The following TMEM126A variants were observed in gnomAD, a reference collection of about 807,000 sequenced individuals.
TMEM126A encodes the protein optic atrophy 7.
In TMEM126A, 10 loss-of-function variants were observed where a neutral mutation model predicts 18.3. That is an observed-to-expected ratio of 0.55 (90% confidence interval 0.34 to 0.93). TMEM126A has a LOEUF of 0.93. TMEM126A is among the 40% of genes least tolerant of loss of function. The probability of loss-of-function intolerance (pLI) is 0.02; values close to 1 mark genes in which losing one functional copy is unlikely to be tolerated. For synonymous variants in TMEM126A, 68 were observed against 78.1 expected (o/e 0.87, Z 0.68); for missense variants, 246 against 230.2 (o/e 1.07, Z -0.44).
chr11:85,653,709 T>C (rs1265958070), intron 2 of TMEM126A, among the ~76,000 whole-genome samples: 3 of 151,240 alleles, frequency 2.0e-5, no homozygotes, highest in African/African-American at 7.2e-5. Context: ...TTATTGAACA[T>C]CTTCTGTGTC....
rs2082473967 is a variant in TMEM126A, at chr11:85,648,053, A to C, written c.-44A>C. 7.0e-6 allele frequency: 1 copy of C among 143,206 alleles called. No individual in the cohort carries two copies. The highest frequency in any genetic ancestry group is 2.7e-5 in the African/African-American group (1 of 37,666). 8.9% of individuals were successfully genotyped at this position (143,206 alleles called of 1,614,324 possible). A position where few individuals can be genotyped will look rare whatever the true frequency, so the allele number is the denominator to read the frequency against. The stretch of plus-strand genomic sequence containing the variant: ...TGAACTCCGGCGTGGCTGAGGAAGG[A>C]GGAGGCACCCACAGGCTGCTGGGAG... On this transcript the variant is annotated 5_prime_UTR_variant, in exon 1 of 5. Transcript: ENST00000304511.
chr11:85,655,642 G>A lies in TMEM126A; in HGVS notation c.329G>A (p.Gly110Asp), dbSNP rs374124838. 5 of 1,613,684 alleles carry A rather than the reference G, an allele frequency of 3.1e-6. No individual in the cohort carries two copies. The highest frequency in any genetic ancestry group is 4.2e-6 in the Non-Finnish European group (5 of 1,179,728). ...ACCATAACACGGAGTGGACTGACTG[G>A]TCTTGTTATTGGTGGTCTATACCCT... ...TCTITRSGLT[G>D]LVIGGLYPVF... is the part of the protein sequence containing the mutation. Residue 110 changes from glycine (G) to aspartate (D), a missense_variant, in exon 4 of 5, where the codon GGT becomes GAT. Physicochemically the swap from Gly to Asp is moderately conservative, Grantham distance 94. Coordinates refer to ENST00000304511, the MANE Select transcript of TMEM126A (RefSeq NM_032273.4).
intron 2 of TMEM126A, among the ~76,000 whole-genome samples, chr11:85,653,686 C>T (rs2082517229): frequency 6.6e-6 from 1 of 152,128 alleles, no homozygotes; most frequent in Non-Finnish European, 1.5e-5. Context: ...AAAGAAATCA[C>T]ATTAACTCCA....
rs757521700 is a variant in TMEM126A at position 85,654,016 on chromosome 11, C to A, written c.87-47C>A. The A allele has an allele frequency of 4.2e-5, 67 of 1,601,880 alleles. 1 individual carries two copies. The South Asian group carries it at 7.3e-4, about 17-fold the overall frequency. On this transcript the variant is annotated intron_variant, in intron 2 of 4. Transcript: ENST00000304511. ...CACATGTCAAGATCGGGAAAGCTCACACACACAATAATGCCAAAGAAAAGT... is the reference window on the plus strand; with the variant it reads ...CACATGTCAAGATCGGGAAAGCTCAAACACACAATAATGCCAAAGAAAAGT...
chr11:85,651,060 G>C (rs1055723900), intron 2 of TMEM126A, among the ~76,000 whole-genome samples: 2 of 85,914 alleles, frequency 2.3e-5, no homozygotes, highest in Admixed American at 4.2e-4. Context: ...CAAGAGTGAG[G>C]ATCCGTCTCA....
At position 85,656,406 on chromosome 11, in the gene TMEM126A, C is replaced by T. The variant is rs201622292; in HGVS notation, c.493C>T (p.Leu165Phe). The change falls in exon 5 of 5, where the codon CTC becomes TTC. Residue 165 changes from leucine to phenylalanine, a missense_variant. Physicochemically the swap from Leu to Phe is conservative, Grantham distance 22. Transcript: ENST00000304511. ...VFRKMLFPIL[L>F]QTMFSAYLGS... ...TAGAAAGATGTTATTTCCTATTTTG[C>T]TCCAGACTATGTTTTCAGCATACCT... 1.2e-6 allele frequency: 2 copies of T among 1,613,240 alleles called. No individual in the cohort carries two copies. Among genetic ancestry groups the T allele is most frequent in the Admixed American group, 3.3e-5 (2 of 59,966 alleles).
intron 2 of TMEM126A, among the ~76,000 whole-genome samples, chr11:85,652,072 G>A (rs985964384): frequency 3.3e-5 from 5 of 152,196 alleles, no homozygotes; most frequent in African/African-American, 9.6e-5. Flanking sequence ...GCTGAGGCAC[G>A]AGAATTGTTT....
At chr11:85,653,512 A>AT (rs1555208597) in intron 2 of TMEM126A, among the ~76,000 whole-genome samples, 2 of 152,212 alleles carry the variant, frequency 1.3e-5, no homozygotes, top group Non-Finnish European at 2.9e-5. Context: ...TGCATAGGAC[A>AT]TAAGTTAAAA....
rs1591463235 is a variant in TMEM126A at position 85,650,342 on chromosome 11, G to A, written c.86+1G>A. On this transcript the variant is annotated splice_donor_variant, in intron 2 of 4. Coordinates refer to ENST00000304511, the MANE Select transcript of TMEM126A (RefSeq NM_032273.4). LOFTEE classifies it high-confidence loss of function. The stretch of plus-strand genomic sequence containing the variant: ...TTAACCAGCTTCCAGAAGCAGAAAG[G>A]TAAGATCCCTTCTTAATTTAAAAAC... The A allele has an allele frequency of 6.3e-7, 1 of 1,594,454 alleles. No individual in the cohort carries two copies. Among genetic ancestry groups the A allele is most frequent in the Non-Finnish European group, 8.6e-7 (1 of 1,162,918 alleles).
intron 2 of TMEM126A, among the ~76,000 whole-genome samples, chr11:85,652,344 ATTTT>A (rs1459096238): frequency 6.6e-6 from 1 of 152,130 alleles, no homozygotes; most frequent in Non-Finnish European, 1.5e-5. Context: ...CCTTGTTCCT[ATTTT>A]TTCTCTTCAT....
At position 85,650,268 on chromosome 11, in the gene TMEM126A, A is replaced by G. The variant is rs2153312352; in HGVS notation, c.13A>G (p.Lys5Glu). The G allele has an allele frequency of 6.3e-7, 1 of 1,593,680 alleles. No individual in the cohort carries two copies. Among genetic ancestry groups the G allele is most frequent in the Non-Finnish European group, 8.6e-7 (1 of 1,164,730 alleles). The change falls in exon 2 of 5, where the codon AAA (lysine) becomes GAA (glutamate). Residue 5 changes from lysine to glutamate, a missense_variant. By Grantham distance (56) the Lys-to-Glu change is moderately conservative. Transcript: ENST00000304511. ...TTTAAGGCTCAAAATGGAAAATCAT[A>G]AATCCAATAATAAGGAAAACATAAC... The part of the protein sequence containing the change: MENH[K>E]SNNKENITIV...
At chr11:85,651,172 C>A (rs1395793153) in intron 2 of TMEM126A, among the ~76,000 whole-genome samples, 15 of 149,966 alleles carry the variant, frequency 1.0e-4, no homozygotes, top group Middle Eastern at 3.5e-3. Context: ...AAATGTCTTA[C>A]ACTTTGTTGA....
chr11:85,654,328 T>C (rs900924118), intron 3 of TMEM126A, 72 bp downstream of exon 3: 72 of 1,419,624 alleles, frequency 5.1e-5, no homozygotes, highest in Admixed American at 2.9e-4. Context: ...TCCATACTTA[T>C]TAATATCAAG....
At chr11:85,651,495 G>A (rs1009874633) in intron 2 of TMEM126A, among the ~76,000 whole-genome samples, 6 of 152,206 alleles carry the variant, frequency 3.9e-5, no homozygotes, top group African/African-American at 1.4e-4. Flanking sequence ...CCTGGTGAGT[G>A]GAGATGGTAG....
intron 2 of TMEM126A, among the ~76,000 whole-genome samples, chr11:85,651,993 A>C (rs551991765): frequency 1.3e-5 from 2 of 152,166 alleles, no homozygotes; most frequent in Non-Finnish European, 2.9e-5. Flanking sequence ...GCGAAACCCT[A>C]TCTCTACTAA....
chr11:85,652,705 C>T lies in TMEM126A; in HGVS notation c.87-1358C>T, dbSNP rs545906418. Among the ~76,000 whole-genome samples the T allele has an allele frequency of 8.1e-4, 123 of 152,030 alleles. 2 individuals are homozygous for T. Among genetic ancestry groups the T allele is most frequent in the Middle Eastern group, 3.4e-3 (1 of 290 alleles). Reference sequence around the variant, plus strand: ...TGGGAAAAATCTGGTTGGGAGAGAGCAAAGTTTGCTATGCAGATTTCACTT... The same window carrying T: ...TGGGAAAAATCTGGTTGGGAGAGAGTAAAGTTTGCTATGCAGATTTCACTT... On this transcript the variant is annotated intron_variant, in intron 2 of 4. Coordinates refer to ENST00000304511, the MANE Select transcript of TMEM126A (RefSeq NM_032273.4).
Position 85,655,620 on chromosome 11 carries a change from A to G in TMEM126A, c.307A>G (p.Ile103Val). The change falls in exon 4 of 5, where the codon ATA (isoleucine) becomes GTA (valine). Residue 103 changes from isoleucine to valine, a missense_variant. By Grantham distance (29) the Ile-to-Val change is conservative. Transcript: ENST00000304511. ...TGDLDCETCT[I>V]TRSGLTGLVI... ...TGATTTGGATTGTGAAACCTGTACC[A>G]TAACACGGAGTGGACTGACTGGTCT... 2.5e-6 allele frequency: 4 copies of G among 1,613,724 alleles called. No homozygotes were observed. The highest frequency in any genetic ancestry group is 1.1e-5 in the South Asian group (1 of 91,070).
At position 85,656,373 on chromosome 11, in the gene TMEM126A, C is replaced by G; in HGVS notation, c.460C>G (p.Pro154Ala). The change falls in exon 5 of 5, where the codon CCT (proline) becomes GCT (alanine). Residue 154 changes from proline to alanine, a missense_variant. By Grantham distance (27) the Pro-to-Ala change is conservative. Coordinates refer to ENST00000304511, the MANE Select transcript of TMEM126A (RefSeq NM_032273.4). The stretch of plus-strand genomic sequence containing the variant: ...AAGTTACTGGATTAGAACTTCTAAG[C>G]CTGTCTTTAGAAAGATGTTATTTCC... The part of the protein sequence containing the change: ...ILSYWIRTSK[P>A]VFRKMLFPIL... 6.2e-7 allele frequency: 1 copy of G among 1,612,898 alleles called. No homozygotes were observed. The highest frequency in any genetic ancestry group is 8.5e-7 in the Non-Finnish European group (1 of 1,179,520).
chr11:85,652,874 A>G (rs1224904712), intron 2 of TMEM126A, among the ~76,000 whole-genome samples: 2 of 151,932 alleles, frequency 1.3e-5, no homozygotes, highest in Non-Finnish European at 2.9e-5. Flanking sequence ...AATGGGGATA[A>G]TATACATTTC....
Sources: allele counts gnomAD v4.1 joint callset (sites outside exome capture counted in the v4.1 genomes callset), GRCh38; gene constraint gnomAD v4.1.1; transcripts MANE v1.5; gene names NCBI Gene and HGNC (gene_info 2026-07-23, HGNC 2026-07-21).